The following BBS1 variants were observed in gnomAD, a reference collection of about 807,000 sequenced individuals.
BBS1 encodes Bardet-Biedl syndrome 1, also known as BBSome complex member BBS1.
A neutral mutation model predicts 73.9 loss-of-function variants in BBS1; 60 were observed. That is an observed-to-expected ratio of 0.81 (90% CI 0.66 to 1.01). The LOEUF (loss-of-function observed/expected upper bound fraction) is 1.01. Ranked by LOEUF, BBS1 falls within the 50% of genes least tolerant of loss-of-function variation. The probability of loss-of-function intolerance (pLI) is 0.00; values close to 1 mark genes in which losing one functional copy is unlikely to be tolerated. For synonymous variants in BBS1, 283 were observed against 317.4 expected (o/e 0.89, Z 1.15); for missense variants, 718 against 770.3 (o/e 0.93, Z 0.80).
At chr11:66,519,976 A>C in intron 8 of BBS1, 1 of 458,866 alleles carries the variant, frequency 2.2e-6, no homozygotes, top group Non-Finnish European at 3.9e-6. Flanking sequence ...TAGATATATA[A>C]CTTTATGTAA....
rs764245266 is a variant in BBS1 at position 66,511,011 on chromosome 11, A to C, written c.48-2A>C. On this transcript the variant is annotated splice_acceptor_variant, in intron 1 of 16. Transcript: ENST00000318312. LOFTEE classifies it high-confidence loss of function. ...CCCCAACTGTCTTTCCCCCACTTCCAGCAATGAGGCCAATTCGAAGTGGTT... is the reference window on the plus strand; with the variant it reads ...CCCCAACTGTCTTTCCCCCACTTCCCGCAATGAGGCCAATTCGAAGTGGTT... The C allele has an allele frequency of 5.0e-6, 8 of 1,613,950 alleles. No individual in the cohort carries two copies. The South Asian group carries it at 8.8e-5, about 18-fold the overall frequency.
rs745441247 is a variant in BBS1, at chr11:66,515,964, TA to T, written c.591+38del. ...ACCCCCTTCTCTTTTTATTTCCCTG[TA>T]AAAAAATTTACATTTTTTTAAAAGA... On this transcript the variant is annotated intron_variant, in intron 7 of 16. Coordinates refer to ENST00000318312, the MANE Select transcript of BBS1 (RefSeq NM_024649.5). 6 of 1,610,886 alleles carry T rather than the reference TA, an allele frequency of 3.7e-6. No homozygotes were observed. The East Asian group carries it at 6.7e-5, about 18-fold the overall frequency.
chr11:66,526,155 C>A lies in BBS1; in HGVS notation c.1143C>A (p.Tyr381Ter), dbSNP rs1021331909. The change falls in exon 12 of 17, where the codon TAC (tyrosine) becomes TAA (stop). Residue 381 changes from tyrosine (Y) to a stop codon, truncating the protein, a stop_gained. Coordinates refer to ENST00000318312, the MANE Select transcript of BBS1 (RefSeq NM_024649.5). LOFTEE classifies it high-confidence loss of function. ...TGACCAGCCTTTGCTTTGGCCGGTA[C>A]GGGCGGGAGGACAACACCCTCATCA... Reference protein sequence around the residue: ...DAVTSLCFGRYGREDNTLIMT... With the variant: ...DAVTSLCFGR 1 of 1,614,138 alleles carries A rather than the reference C, an allele frequency of 6.2e-7. No individual in the cohort carries two copies. The highest frequency in any genetic ancestry group is 8.5e-7 in the Non-Finnish European group (1 of 1,180,018).
At chr11:66,531,225 G>A (rs750752483) in intron 15 of BBS1, among the ~76,000 whole-genome samples, 197 bp downstream of exon 15, 74 of 152,146 alleles carry the variant, frequency 4.9e-4, no homozygotes, top group Non-Finnish European at 1.5e-4. Flanking sequence ...CCCTGCCTCT[G>A]CTGCTTTTCT....
At chr11:66,510,849 G>T (rs908165037) in intron 1 of BBS1, 143 bp downstream of exon 1, 1 of 1,378,306 alleles carries the variant, frequency 7.3e-7, no homozygotes, top group Non-Finnish European at 1.0e-6. Flanking sequence ...CCTAAGATGT[G>T]CATATGTGTG....
intron 14 of BBS1, 72 bp from the exon 15 acceptor site, chr11:66,530,822 G>A (rs1856745459): frequency 1.2e-6 from 2 of 1,601,692 alleles, no homozygotes; most frequent in African/African-American, 1.3e-5. Flanking sequence ...GTGGAAGGCA[G>A]GCAGAGCACA....
At position 66,523,529 on chromosome 11, in the gene BBS1, C is replaced by T. The variant is rs762268360; in HGVS notation, c.904C>T (p.Leu302=). 1.2e-6 allele frequency: 2 copies of T among 1,614,146 alleles called. No individual in the cohort carries two copies. Among genetic ancestry groups the T allele is most frequent in the South Asian group, 1.1e-5 (1 of 91,078 alleles). The change falls in exon 10 of 17, where the codon CTA becomes TTA. Residue 302 remains leucine, a synonymous_variant. Transcript: ENST00000318312. ...PVGLIRVHKV[L]VVGSTQDSLH... ...GGGACTTATCCGGGTACACAAGGTC[C>T]TAGTGGTGGGCAGCACCCAAGACAG...
chr11:66,530,629 G>A (rs1024184575), intron 14 of BBS1, among the ~76,000 whole-genome samples: 1 of 152,168 alleles, frequency 6.6e-6, no homozygotes, highest in African/African-American at 2.4e-5. Context: ...GGCAGGGGGT[G>A]GGGGTGAGGG....
At chr11:66,512,014 ATATATGTG>A (rs1216764951) in intron 3 of BBS1, among the ~76,000 whole-genome samples, 3 of 144,988 alleles carry the variant, frequency 2.1e-5, no homozygotes, top group African/African-American at 5.2e-5. Flanking sequence ...ATATATATAT[ATATATGTG>A]TATATATATG....
chr11:66,522,167 A>T (rs1174045395), intron 9 of BBS1, among the ~76,000 whole-genome samples: 4 of 151,116 alleles, frequency 2.6e-5, no homozygotes, highest in Admixed American at 2.6e-4. Flanking sequence ...CAGTGAGCCG[A>T]GATCACGCCA....
chr11:66,523,680 T>C (rs1482274492), intron 10 of BBS1, 44 bp from the exon 11 acceptor site: 9 of 1,610,016 alleles, frequency 5.6e-6, no homozygotes, highest in Non-Finnish European at 7.6e-6. Flanking sequence ...TTCTTTCCAC[T>C]GTAAGCCCTG....
Position 66,521,389 on chromosome 11 carries a change from G to T in BBS1, c.830+13G>T, listed in dbSNP as rs368290922. On this transcript the variant is annotated intron_variant, in intron 9 of 16. Coordinates refer to ENST00000318312, the MANE Select transcript of BBS1 (RefSeq NM_024649.5). ...ATATTCTGAGAAGGTAGCCACATCC[G>T]TGGTCTCCGGGGCCGGGAGGAACAT... 1 of 1,607,130 alleles carries T rather than the reference G, an allele frequency of 6.2e-7. No homozygotes were observed. The highest frequency in any genetic ancestry group is 1.1e-5 in the South Asian group (1 of 90,950).
chr11:66,512,958 C>T (rs941111793), intron 3 of BBS1, among the ~76,000 whole-genome samples: 6 of 151,026 alleles, frequency 4.0e-5, no homozygotes, highest in African/African-American at 1.5e-4. Context: ...GGTGACAGAG[C>T]GAGACTCCAT....
rs887993633 is a variant in BBS1, at chr11:66,533,244, C to G, written c.*1207C>G. On this transcript the variant is annotated 3_prime_UTR_variant, in exon 17 of 17. Coordinates refer to ENST00000318312, the MANE Select transcript of BBS1 (RefSeq NM_024649.5). ...AAGGACAAGGAGAATTGGTGTCTTTCTAAAACATACTTATTTAAAAACACA... is the reference window on the plus strand; with the variant it reads ...AAGGACAAGGAGAATTGGTGTCTTTGTAAAACATACTTATTTAAAAACACA... The G allele has an allele frequency of 6.6e-6, 1 of 152,152 alleles. No individual in the cohort carries two copies. Among genetic ancestry groups the G allele is most frequent in the Non-Finnish European group, 1.5e-5 (1 of 68,022 alleles). 9.4% of individuals were successfully genotyped at this position (152,152 alleles called of 1,614,324 possible). A position where few individuals can be genotyped will look rare whatever the true frequency, so the allele number is the denominator to read the frequency against.
chr11:66,523,696 T>C lies in BBS1; in HGVS notation c.952-28T>C, dbSNP rs368824329. 5 of 1,610,214 alleles carry C rather than the reference T, an allele frequency of 3.1e-6. No homozygotes were observed. The East Asian group carries it at 8.9e-5, about 29-fold the overall frequency. On this transcript the variant is annotated intron_variant, in intron 10 of 16. Transcript: ENST00000318312. ...TCTTTCCACTGTAAGCCCTGAGCCC[T>C]CCACAGACGCTGGCTGTTCCCTGCC...
At chr11:66,526,012 C>A in intron 11 of BBS1, 111 bp from the exon 12 acceptor site, 2 of 903,860 alleles carry the variant, frequency 2.2e-6, no homozygotes, top group Non-Finnish European at 3.7e-6. Flanking sequence ...ATTCCCCAGG[C>A]CTGTCTCTAT....
intron 7 of BBS1, among the ~76,000 whole-genome samples, chr11:66,517,219 A>C (rs1247466367): frequency 7.2e-6 from 1 of 137,992 alleles, no homozygotes. Flanking sequence ...ACCAAAAAAC[A>C]AAAAAAAAAA....
intron 11 of BBS1, chr11:66,524,384 G>T: frequency 4.2e-6 from 1 of 238,392 alleles, no homozygotes; most frequent in Non-Finnish European, 8.4e-6. Context: ...GAGGCTTACA[G>T]TCTAAGGTAA....
chr11:66,528,845 G>C (rs1856630638), intron 13 of BBS1, among the ~76,000 whole-genome samples: 1 of 151,660 alleles, frequency 6.6e-6, no homozygotes, highest in Admixed American at 6.6e-5. Flanking sequence ...GCGCGTGCCT[G>C]TAATTCCAGC....
Sources: gnomAD v4.1 joint callset for allele counts (sites outside exome capture counted in the v4.1 genomes callset) on GRCh38, gnomAD v4.1.1 for gene constraint, MANE v1.5 for transcripts, NCBI Gene and HGNC (gene_info 2026-07-23, HGNC 2026-07-21) for gene names.